KLHL14: variants seen among roughly 807,000 people sequenced by gnomAD.
KLHL14 encodes the protein kelch-like protein 14.
KLHL14 carries 22 observed loss-of-function variants against 64.3 expected under a neutral mutation model. The ratio of observed to expected loss-of-function variants is 0.34; its 90% confidence interval spans 0.24 to 0.49. The LOEUF (loss-of-function observed/expected upper bound fraction) is 0.49. Ranked by LOEUF, KLHL14 falls within the 20% of genes least tolerant of loss-of-function variation. The probability of loss-of-function intolerance (pLI) is 0.99; values close to 1 mark genes in which losing one functional copy is unlikely to be tolerated. For synonymous variants in KLHL14, 322 were observed against 333.4 expected (o/e 0.97, Z 0.37); for missense variants, 661 against 789.0 (o/e 0.84, Z 1.94).
At chr18:32,742,166 T>C (rs2050202663) in intron 2 of KLHL14, 117 bp from the exon 3 acceptor site, 1 of 1,191,350 alleles carries the variant, frequency 8.4e-7, no homozygotes, top group Non-Finnish European at 1.2e-6. Flanking sequence ...GTTTCATTTT[T>C]TCCTGTTTCT....
chr18:32,682,595 T>A (rs533884950), intron 5 of KLHL14, among the ~76,000 whole-genome samples: 32 of 152,310 alleles, frequency 2.1e-4, no homozygotes, highest in Middle Eastern at 3.4e-3. Context: ...ATTTTTCTGG[T>A]ATGAGGGACT....
chr18:32,755,719 T>C (rs567661800), intron 2 of KLHL14, among the ~76,000 whole-genome samples: 15 of 152,310 alleles, frequency 9.8e-5, no homozygotes, highest in Middle Eastern at 3.4e-3. Context: ...ACATGCAGGT[T>C]CTTGGGACCT....
intron 2 of KLHL14, among the ~76,000 whole-genome samples, chr18:32,753,628 A>C (rs1464357151): frequency 6.6e-6 from 1 of 151,754 alleles, no homozygotes; most frequent in Non-Finnish European, 1.5e-5. Flanking sequence ...GCCCACCCCC[A>C]CCACCCAAGG....
At chr18:32,725,290 A>G (rs1049001448) in intron 3 of KLHL14, among the ~76,000 whole-genome samples, 1 of 152,146 alleles carries the variant, frequency 6.6e-6, no homozygotes, top group African/African-American at 2.4e-5. Flanking sequence ...TTGGCTTCCC[A>G]AAGTGCTGGA....
intron 3 of KLHL14, among the ~76,000 whole-genome samples, chr18:32,716,577 G>C (rs1487681874): frequency 6.6e-6 from 1 of 152,112 alleles, no homozygotes; most frequent in Non-Finnish European, 1.5e-5. Context: ...ACCACGCCCA[G>C]CTAATTTTTT....
intron 2 of KLHL14, among the ~76,000 whole-genome samples, chr18:32,766,924 A>G (rs2050349062): frequency 6.6e-6 from 1 of 152,138 alleles, no homozygotes; most frequent in Non-Finnish European, 1.5e-5. Flanking sequence ...TATAGATAAT[A>G]TACTCTTAAA....
At chr18:32,697,035 G>A (rs997211909) in intron 3 of KLHL14, among the ~76,000 whole-genome samples, 1 of 152,198 alleles carries the variant, frequency 6.6e-6, no homozygotes, top group Non-Finnish European at 1.5e-5. Context: ...GGGGCATAAT[G>A]TAGAAATTGG....
chr18:32,715,285 A>C lies in KLHL14; in HGVS notation c.1070-19733T>G, dbSNP rs553839865. 8.5e-5 allele frequency among the ~76,000 whole-genome samples: 13 copies of C among 152,234 alleles called. No individual in the cohort carries two copies. The South Asian group carries it at 2.7e-3, about 32-fold the overall frequency. The stretch of plus-strand genomic sequence containing the variant: ...GATCCATGTTTCAATATAAACTTAC[A>C]TTTCTATATAGGGTGTATATGTGTG... On this transcript the variant is annotated intron_variant, in intron 3 of 8. Transcript: ENST00000359358.
intron 3 of KLHL14, among the ~76,000 whole-genome samples, chr18:32,735,393 A>C (rs1349388520): frequency 6.6e-6 from 1 of 152,158 alleles, no homozygotes; most frequent in Non-Finnish European, 1.5e-5. Flanking sequence ...AAATGAAAAA[A>C]TTGTGAGCCT....
At chr18:32,747,803 C>CT (rs2050231154) in intron 2 of KLHL14, among the ~76,000 whole-genome samples, 3 of 152,116 alleles carry the variant, frequency 2.0e-5, no homozygotes, top group Admixed American at 1.3e-4. Context: ...CAATATCAAT[C>CT]TTTTTTTAAA....
chr18:32,676,206 C>A (rs879337502), intron 8 of KLHL14, among the ~76,000 whole-genome samples: 1 of 152,128 alleles, frequency 6.6e-6, no homozygotes, highest in Non-Finnish European at 1.5e-5. Context: ...AACTTCCAGT[C>A]TCCAGAAAAT....
chr18:32,716,420 C>CTT (rs60090148), intron 3 of KLHL14, among the ~76,000 whole-genome samples: 29 of 147,418 alleles, frequency 2.0e-4, no homozygotes, highest in South Asian at 4.3e-4. Flanking sequence ...GCTTGCTTGA[C>CTT]TTTTTTTTTT....
At position 32,770,656 on chromosome 18, in the gene KLHL14, T is replaced by TG; in HGVS notation, c.-43-23dup. The TG allele has an allele frequency of 1.5e-5, 3 of 205,690 alleles. No individual in the cohort carries two copies. The highest frequency in any genetic ancestry group is 2.4e-5 in the Non-Finnish European group (3 of 124,264). 12.7% of individuals were successfully genotyped at this position (205,690 alleles called of 1,614,324 possible). A position where few individuals can be genotyped will look rare whatever the true frequency, so the allele number is the denominator to read the frequency against. ...CAACCTGGCAGACAGGGGTGGGGGA[T>TG]GGGAGGGAGGGGAGCAGGGTGGTGG... On this transcript the variant is annotated intron_variant, in intron 1 of 8. Coordinates refer to ENST00000359358, the MANE Select transcript of KLHL14 (RefSeq NM_020805.3). This position sits in a 1 kb window ranked among gnomAD's most constrained non-coding sequence, Gnocchi z 6.7.
chr18:32,731,886 TATA>T (rs1216353384), intron 3 of KLHL14, among the ~76,000 whole-genome samples: 5 of 152,334 alleles, frequency 3.3e-5, no homozygotes, highest in African/African-American at 9.6e-5. Flanking sequence ...CCAAATGCAT[TATA>T]ATAATATTTA....
chr18:32,673,939 A>G lies in KLHL14; in HGVS notation c.*718T>C, dbSNP rs1365453394. The stretch of plus-strand genomic sequence containing the variant: ...CATGAACTGAATAGTGACATAATAT[A>G]TTTTGTTTTAATCTTTCAGATAAAA... On this transcript the variant is annotated 3_prime_UTR_variant, in exon 9 of 9. Transcript: ENST00000359358. 1 of 152,142 alleles carries G rather than the reference A, an allele frequency of 6.6e-6. No homozygotes were observed. The highest frequency in any genetic ancestry group is 1.5e-5 in the Non-Finnish European group (1 of 68,022). The allele number at this position is 152,142 out of a possible 1,614,324, so 9.4% of individuals were successfully genotyped here.
intron 4 of KLHL14, among the ~76,000 whole-genome samples, chr18:32,694,813 C>CA (rs2049928993): frequency 6.6e-6 from 1 of 152,154 alleles, no homozygotes; most frequent in South Asian, 2.1e-4. Flanking sequence ...GCAAGCTTTC[C>CA]AAAAATATCT....
rs1244538072 is a variant in KLHL14 at position 32,693,411 on chromosome 18, CACAGAGAGAG to C, written c.1159+2042_1159+2051del. On this transcript the variant is annotated intron_variant, in intron 4 of 8. Coordinates refer to ENST00000359358, the MANE Select transcript of KLHL14 (RefSeq NM_020805.3). ...ACACACACACACACACACACACACACACAGAGAGAGAGAGAGAGAGAGAGAGAGAGAGAGA... is the reference window on the plus strand; with the variant it reads ...ACACACACACACACACACACACACACAGAGAGAGAGAGAGAGAGAGAGAGA... 1.1e-4 allele frequency among the ~76,000 whole-genome samples: 13 copies of C among 113,068 alleles called. No homozygotes were observed. In the South Asian group the frequency reaches 1.5e-3, roughly 13 times the overall value. The allele number at this position is 113,068 out of a possible 152,430, so 74.2% of individuals were successfully genotyped here. A position where few individuals can be genotyped will look rare whatever the true frequency, so the allele number is the denominator to read the frequency against.
At chr18:32,737,393 A>G (rs2050171688) in intron 3 of KLHL14, 1 of 152,194 alleles carries the variant, frequency 6.6e-6, no homozygotes, top group Non-Finnish European at 1.5e-5. Flanking sequence ...AGGGCCAAGG[A>G]AAGAAGTCCA....
chr18:32,750,424 C>A (rs549905247), intron 2 of KLHL14, among the ~76,000 whole-genome samples: 1 of 152,198 alleles, frequency 6.6e-6, no homozygotes, highest in African/African-American at 2.4e-5. Context: ...TTTGAAAATT[C>A]ATCTTTGGAA....
Sources: gnomAD v4.1 joint callset for allele counts (sites outside exome capture counted in the v4.1 genomes callset) on GRCh38, gnomAD v4.1.1 for gene constraint, Gnocchi (gnomAD v3.1) non-coding constraint, MANE v1.5 for transcripts, NCBI Gene and HGNC (gene_info 2026-07-23, HGNC 2026-07-21) for gene names.